The following LINGO2 variants were observed in gnomAD, a reference collection of about 807,000 sequenced individuals.
The protein encoded by LINGO2 is leucine rich repeat and Ig domain containing 2.
In LINGO2, 14 loss-of-function variants were observed where a neutral mutation model predicts 30.6. The ratio of observed to expected loss-of-function variants is 0.46; its 90% confidence interval spans 0.30 to 0.72. The LOEUF (loss-of-function observed/expected upper bound fraction) is 0.72, where lower values mean the gene tolerates loss of function less well. Among genes scored for constraint, LINGO2 ranks in the 30% least tolerant of loss-of-function variants. The pLI is 0.07. For missense variants in LINGO2, 729 were observed against 751.7 expected, an observed-to-expected ratio of 0.97 and a Z score of 0.35; for synonymous variants, 317 against 288.5, an observed-to-expected ratio of 1.10 and a Z score of -1.00.
intron 4 of LINGO2, among the ~76,000 whole-genome samples, chr9:28,078,869 C>A (rs945141237): frequency 3.4e-5 from 5 of 148,048 alleles, no homozygotes; most frequent in Non-Finnish European, 7.4e-5. Flanking sequence ...AATCTATAGA[C>A]TCTTCTACTG....
At chr9:28,376,489 C>A (rs10491894) in intron 2 of LINGO2, among the ~76,000 whole-genome samples, 59,651 of 152,022 alleles carry the variant, frequency 0.39, 12,829 homozygotes, top group Non-Finnish European at 0.47. Context: ...GACAAAGACT[C>A]ACTGCCCTAG....
At chr9:28,863,868 T>G in the LINGO2 span, among the ~76,000 whole-genome samples, 1 of 152,148 alleles carries the variant, frequency 6.6e-6, no homozygotes, top group South Asian at 2.1e-4. Flanking sequence ...ACTGAACATT[T>G]ATTTTAAGTA....
intron 1 of LINGO2, among the ~76,000 whole-genome samples, chr9:28,561,492 T>G (rs1823055363): frequency 1.3e-5 from 2 of 150,270 alleles, no homozygotes; most frequent in Non-Finnish European, 3.0e-5. Context: ...AATTAGTTTA[T>G]AAAGAACCTT....
chr9:28,213,092 T>G (rs1429790078), intron 4 of LINGO2, among the ~76,000 whole-genome samples: 1 of 151,516 alleles, frequency 6.6e-6, no homozygotes, highest in East Asian at 1.9e-4. Context: ...GCAATGACAT[T>G]TGTAAGCAAA....
the LINGO2 span, among the ~76,000 whole-genome samples, chr9:29,099,314 T>C: frequency 6.6e-6 from 1 of 152,176 alleles, no homozygotes; most frequent in African/African-American, 2.4e-5. Flanking sequence ...TCCAGGATGC[T>C]GGACTGGGCA....
intron 4 of LINGO2, among the ~76,000 whole-genome samples, chr9:28,013,121 G>T (rs767269819): frequency 1.3e-5 from 2 of 152,144 alleles, no homozygotes; most frequent in African/African-American, 4.8e-5. Flanking sequence ...TAGGGTACCC[G>T]AGTGTATTTT....
intron 1 of LINGO2, among the ~76,000 whole-genome samples, chr9:28,638,760 C>T (rs1398165130): frequency 6.6e-6 from 1 of 151,974 alleles, no homozygotes; most frequent in Admixed American, 6.6e-5. Flanking sequence ...TTGCTCTTTT[C>T]AAAAAACCAG....
intron 4 of LINGO2, among the ~76,000 whole-genome samples, chr9:28,029,842 A>AG (rs1265846697): frequency 2.0e-5 from 3 of 152,220 alleles, no homozygotes; most frequent in Non-Finnish European, 4.4e-5. Context: ...TTAACTTGCA[A>AG]TTATATAACT....
chr9:28,426,604 C>T (rs6476068), intron 2 of LINGO2, among the ~76,000 whole-genome samples: 51,095 of 151,680 alleles, frequency 0.34, 9,093 homozygotes, highest in Admixed American at 0.39. Context: ...TGCAGGTATA[C>T]TGTGCTGATG....
the LINGO2 span, among the ~76,000 whole-genome samples, chr9:28,744,574 T>G: frequency 6.6e-6 from 1 of 151,028 alleles, no homozygotes; most frequent in Admixed American, 6.7e-5. Context: ...CCCCATAGTG[T>G]ATAGCTTCTG....
chr9:29,011,260 G>A, the LINGO2 span, among the ~76,000 whole-genome samples: 5 of 152,186 alleles, frequency 3.3e-5, no homozygotes, highest in South Asian at 4.2e-4. Context: ...TTGAGTACAC[G>A]GACATCTGAA....
chr9:28,992,286 T>A, the LINGO2 span, among the ~76,000 whole-genome samples: 1 of 151,940 alleles, frequency 6.6e-6, no homozygotes, highest in East Asian at 1.9e-4. Flanking sequence ...TACATAATGG[T>A]AAAGGGATCA....
At chr9:28,260,162 A>G (rs906306863) in intron 4 of LINGO2, among the ~76,000 whole-genome samples, 15 of 152,002 alleles carry the variant, frequency 9.9e-5, no homozygotes, top group African/African-American at 3.1e-4. Flanking sequence ...CAAATAATAA[A>G]TATGTCAGTT....
chr9:28,082,638 C>A (rs1237157233), intron 4 of LINGO2, among the ~76,000 whole-genome samples: 1 of 152,114 alleles, frequency 6.6e-6, no homozygotes, highest in Non-Finnish European at 1.5e-5. Flanking sequence ...ATTAGTTTTT[C>A]TAATCAGAGT....
the LINGO2 span, among the ~76,000 whole-genome samples, chr9:29,176,018 G>T: frequency 6.6e-6 from 1 of 151,884 alleles, no homozygotes; most frequent in East Asian, 1.9e-4. Context: ...TATGGCTCAG[G>T]CTGGCACCAA....
chr9:28,533,707 C>T (rs1010210327), intron 1 of LINGO2, among the ~76,000 whole-genome samples: 33 of 152,054 alleles, frequency 2.2e-4, no homozygotes, highest in Admixed American at 2.1e-3. Context: ...AGAGATTGTT[C>T]ATAAAGAAGG....
At chr9:28,240,531 A>T (rs1307281819) in intron 4 of LINGO2, among the ~76,000 whole-genome samples, 1 of 152,202 alleles carries the variant, frequency 6.6e-6, no homozygotes, top group East Asian at 1.9e-4. Context: ...TGTCAAGAAC[A>T]TACATTAGTG....
chr9:28,066,409 A>G (rs913606067), intron 4 of LINGO2, among the ~76,000 whole-genome samples: 2 of 152,254 alleles, frequency 1.3e-5, no homozygotes, highest in Admixed American at 6.5e-5. Context: ...AAGAAATCAC[A>G]GAATGAGACC....
the LINGO2 span, among the ~76,000 whole-genome samples, chr9:28,763,938 C>T: frequency 6.6e-6 from 1 of 151,576 alleles, no homozygotes; most frequent in East Asian, 1.9e-4. Flanking sequence ...TGAAAAAATT[C>T]CTAGAAACAT....
Sources: allele counts gnomAD v4.1 joint callset (sites outside exome capture counted in the v4.1 genomes callset), GRCh38; gene constraint gnomAD v4.1.1; transcripts MANE v1.5; gene names NCBI Gene and HGNC (gene_info 2026-07-23, HGNC 2026-07-21).